Variants in TYW1 observed in about 807,000 individuals in gnomAD.
TYW1 encodes the protein tRNA-yW synthesizing protein 1 homolog.
TYW1 carries 46 observed loss-of-function variants against 96.2 expected under a neutral mutation model. The observed-to-expected ratio is 0.48, with a 90% CI of 0.38 to 0.61. The LOEUF is 0.61. TYW1 is among the 20% of genes least tolerant of loss of function. The pLI, the probability that TYW1 is intolerant of heterozygous loss-of-function variation, is 0.00. For missense variants in TYW1, 684 were observed against 909.6 expected, an observed-to-expected ratio of 0.75 and a Z score of 3.19; for synonymous variants, 274 against 323.0, an observed-to-expected ratio of 0.85 and a Z score of 1.63.
chr7:67,015,594 C>T (rs11514666), intron 5 of TYW1, among the ~76,000 whole-genome samples: 16,664 of 152,098 alleles, frequency 0.11, 952 homozygotes, highest in Middle Eastern at 0.15. Flanking sequence ...TCAAGCAGTC[C>T]TACCCACCTC....
chr7:67,129,757 C>G (rs1798007680), intron 13 of TYW1, among the ~76,000 whole-genome samples: 2 of 152,130 alleles, frequency 1.3e-5, no homozygotes, highest in Admixed American at 6.5e-5. Context: ...TTCTTTAAGA[C>G]CTAGTAATTT....
intron 10 of TYW1, among the ~76,000 whole-genome samples, chr7:67,073,011 T>G (rs1302205389): frequency 6.8e-6 from 1 of 146,474 alleles, no homozygotes; most frequent in African/African-American, 2.5e-5. Flanking sequence ...CTCAAACTCT[T>G]GGCCTCAAGC....
chr7:67,106,030 T>C (rs533619329), intron 12 of TYW1, among the ~76,000 whole-genome samples: 217 of 151,856 alleles, frequency 1.4e-3, no homozygotes, highest in African/African-American at 4.6e-3. Flanking sequence ...CCCAGGTAGC[T>C]GGGATTACAG....
intron 10 of TYW1, 77 bp from the exon 11 acceptor site, chr7:67,083,353 T>C (rs1236227799): frequency 2.3e-5 from 33 of 1,435,244 alleles, no homozygotes; most frequent in Non-Finnish European, 3.1e-5. Flanking sequence ...TTTTTAAAAA[T>C]GGATGACTTC....
intron 13 of TYW1, among the ~76,000 whole-genome samples, chr7:67,138,899 C>A (rs1429578105): frequency 6.6e-6 from 1 of 151,422 alleles, no homozygotes; most frequent in Non-Finnish European, 1.5e-5. Flanking sequence ...TAGGTTGCTT[C>A]CAAATCTTGG....
rs543750426 is a variant in TYW1, at chr7:67,140,984, A to T, written c.1698+23366A>T. ...CCTTTTCTGAGTGTGACTTATTTTT[A>T]AAAAGGACAACTGTCAGAAGCCACC... On this transcript the variant is annotated intron_variant, in intron 13 of 15. Coordinates refer to ENST00000359626, the MANE Select transcript of TYW1 (RefSeq NM_018264.4). Among the ~76,000 whole-genome samples the T allele has an allele frequency of 2.6e-4, 39 of 152,292 alleles. No homozygotes were observed. The East Asian group carries it at 6.2e-3, about 24-fold the overall frequency.
At chr7:67,069,596 G>A (rs570836847) in intron 10 of TYW1, among the ~76,000 whole-genome samples, 6 of 152,062 alleles carry the variant, frequency 3.9e-5, no homozygotes, top group Non-Finnish European at 8.8e-5. Flanking sequence ...AAAATTCGCC[G>A]GGCATGGTGG....
intron 12 of TYW1, among the ~76,000 whole-genome samples, chr7:67,116,522 A>G (rs1007070433): frequency 1.5e-4 from 23 of 151,922 alleles, no homozygotes; most frequent in African/African-American, 5.6e-4. Flanking sequence ...CCCTGTCTCT[A>G]CAAAAAAATT....
intron 7 of TYW1, among the ~76,000 whole-genome samples, chr7:67,028,829 T>G (rs1406183779): frequency 6.6e-6 from 1 of 152,182 alleles, no homozygotes; most frequent in Non-Finnish European, 1.5e-5. Context: ...TTCCACAGGC[T>G]TATGCATTGC....
chr7:67,160,586 AT>A (rs1799131149), intron 13 of TYW1, among the ~76,000 whole-genome samples: 1 of 146,746 alleles, frequency 6.8e-6, no homozygotes, highest in Non-Finnish European at 1.5e-5. Context: ...TTATCTATAT[AT>A]TTTTAAAATT....
chr7:67,139,554 C>T (rs55701545), intron 13 of TYW1, among the ~76,000 whole-genome samples: 9,185 of 151,778 alleles, frequency 0.061, 335 homozygotes, highest in East Asian at 0.11. Context: ...CTACAGTTAC[C>T]ATCCTGCAGT....
intron 7 of TYW1, among the ~76,000 whole-genome samples, chr7:67,032,885 CTTTTTTTTTTTTTT>C (rs778743156): frequency 3.9e-5 from 3 of 76,278 alleles, no homozygotes; most frequent in African/African-American, 1.8e-4. Context: ...AGAAGTATAC[CTTTTTTTTTTTTTT>C]TTTTTTTTTT....
chr7:67,142,264 C>T (rs953004731), intron 13 of TYW1, among the ~76,000 whole-genome samples: 6 of 151,798 alleles, frequency 4.0e-5, no homozygotes, highest in Admixed American at 1.3e-4. Flanking sequence ...GCCAGTTAAT[C>T]TTTATTTATT....
chr7:67,160,843 C>T (rs1470716047), intron 13 of TYW1, among the ~76,000 whole-genome samples: 27 of 151,938 alleles, frequency 1.8e-4, no homozygotes, highest in East Asian at 1.5e-3. Flanking sequence ...CTGCCCACCT[C>T]GGCCTCCCAG....
intron 12 of TYW1, among the ~76,000 whole-genome samples, chr7:67,112,100 C>CAAAAAAAAAAAAAAAAAAA (rs538839042): frequency 7.5e-4 from 71 of 94,834 alleles, no homozygotes; most frequent in African/African-American, 1.9e-3. Flanking sequence ...CTCTGTCTGA[C>CAAAAAAAAAAAAAAAAAAA]AAAAAAAAAA....
intron 14 of TYW1, among the ~76,000 whole-genome samples, chr7:67,186,345 G>GA (rs1270700016): frequency 1.5e-5 from 2 of 130,500 alleles, no homozygotes; most frequent in Non-Finnish European, 3.1e-5. Flanking sequence ...TTTTAAATCT[G>GA]AAAAAAATCA....
At chr7:67,126,703 T>C (rs1049436056) in intron 13 of TYW1, among the ~76,000 whole-genome samples, 9 of 152,002 alleles carry the variant, frequency 5.9e-5, no homozygotes, top group African/African-American at 1.9e-4. Context: ...TCCAGCACTA[T>C]TTGTTGAAAA....
At chr7:67,032,067 A>G (rs1794689033) in intron 7 of TYW1, among the ~76,000 whole-genome samples, 1 of 151,910 alleles carries the variant, frequency 6.6e-6, no homozygotes, top group African/African-American at 2.4e-5. Context: ...ACAAAAAAAC[A>G]TGGTGAGGCG....
chr7:67,055,200 G>T (rs901200075), intron 8 of TYW1, among the ~76,000 whole-genome samples: 1 of 152,174 alleles, frequency 6.6e-6, no homozygotes, highest in Non-Finnish European at 1.5e-5. Flanking sequence ...TCAAGTTTAT[G>T]TGTTGTGTTG....
Sources: gnomAD v4.1 joint callset for allele counts (sites outside exome capture counted in the v4.1 genomes callset) on GRCh38, gnomAD v4.1.1 for gene constraint, MANE v1.5 for transcripts, NCBI Gene and HGNC (gene_info 2026-07-23, HGNC 2026-07-21) for gene names.